TENM3: variants seen among roughly 807,000 people sequenced by gnomAD.
The protein encoded by TENM3 is teneurin transmembrane protein 3, also known as teneurin-3.
A neutral mutation model predicts 255.1 loss-of-function variants in TENM3; 63 were observed. The observed-to-expected ratio is 0.25, with a 90% confidence interval of 0.20 to 0.30. The LOEUF (loss-of-function observed/expected upper bound fraction) is 0.30. Among genes scored for constraint, TENM3 ranks in the 10% least tolerant of loss-of-function variants. The probability of loss-of-function intolerance (pLI) is 1.00; values close to 1 mark genes in which losing one functional copy is unlikely to be tolerated. For synonymous variants in TENM3, 1,306 were observed against 1,322.3 expected (o/e 0.99, Z 0.27); for missense variants, 2,929 against 3,461.1 (o/e 0.85, Z 3.86).
intron 1 of TENM3, among the ~76,000 whole-genome samples, chr4:182,227,779 A>G (rs1423881006): frequency 6.6e-6 from 1 of 151,930 alleles, no homozygotes; most frequent in Non-Finnish European, 1.5e-5. Context: ...ACACTTTAGA[A>G]TCTACTTTTT....
chr4:182,159,838 A>G (rs1374813818), intron 1 of TENM3, among the ~76,000 whole-genome samples: 1 of 152,174 alleles, frequency 6.6e-6, no homozygotes, highest in South Asian at 2.1e-4. Context: ...TCAGAGGGCA[A>G]TGTGTGTGAT....
At chr4:181,620,646 A>T in the TENM3 span, among the ~76,000 whole-genome samples, 160 of 150,492 alleles carry the variant, frequency 1.1e-3, 2 homozygotes, top group East Asian at 0.012. Flanking sequence ...AGGAGAAAAG[A>T]TTCTCACAGA....
At chr4:182,049,540 G>A in the TENM3 span, among the ~76,000 whole-genome samples, 682 of 152,356 alleles carry the variant, frequency 4.5e-3, 2 homozygotes, top group Non-Finnish European at 7.1e-3. Context: ...GCTTCAGCGG[G>A]GAAGTTCAGC....
At chr4:181,845,241 A>G in the TENM3 span, among the ~76,000 whole-genome samples, 1 of 152,284 alleles carries the variant, frequency 6.6e-6, no homozygotes, top group East Asian at 1.9e-4. Context: ...TAACAGGAGT[A>G]TTTGATTATG....
Position 182,502,702 on chromosome 4 carries a change from T to C in TENM3, c.512-98222T>C, listed in dbSNP as rs192513585. On this transcript the variant is annotated intron_variant, in intron 3 of 27. Coordinates refer to ENST00000511685, the MANE Select transcript of TENM3 (RefSeq NM_001080477.4). ...CTGAGAATGTTACCATTTTTGGTTC[T>C]TCAATTTAAGTTTTTCTGTTCCCTG... 1.9e-3 allele frequency among the ~76,000 whole-genome samples: 290 copies of C among 152,248 alleles called. 1 individual carries two copies. The highest frequency in any genetic ancestry group is 3.3e-3 in the Non-Finnish European group (227 of 68,016).
chr4:182,577,970 G>A (rs552892177), intron 3 of TENM3, among the ~76,000 whole-genome samples: 1 of 151,712 alleles, frequency 6.6e-6, no homozygotes, highest in Non-Finnish European at 1.5e-5. Context: ...CTATTCTGAT[G>A]ACCCAATTTA....
the TENM3 span, among the ~76,000 whole-genome samples, chr4:182,024,111 G>GA: frequency 0.039 from 5,921 of 151,960 alleles, 379 homozygotes; most frequent in African/African-American, 0.13. Context: ...AGATTTGGGG[G>GA]AAAAAACAAC....
the TENM3 span, among the ~76,000 whole-genome samples, chr4:181,610,417 G>T: frequency 7.2e-5 from 11 of 152,076 alleles, no homozygotes; most frequent in South Asian, 2.1e-4. Flanking sequence ...TACATTTTTT[G>T]CATGCGTGAC....
intron 3 of TENM3, 107 bp from the exon 4 acceptor site, chr4:182,600,817 A>T: frequency 1.2e-4 from 55 of 464,418 alleles, no homozygotes; most frequent in South Asian, 1.8e-4. Flanking sequence ...TGCAGTTTTT[A>T]ATTCTAATTC....
intron 1 of TENM3, among the ~76,000 whole-genome samples, chr4:182,175,925 C>T (rs1752458928): frequency 6.8e-6 from 1 of 146,576 alleles, no homozygotes; most frequent in African/African-American, 2.5e-5. Flanking sequence ...CCCCACCCTG[C>T]CGCCGCTGCA....
At chr4:182,170,086 C>G (rs571283582) in intron 1 of TENM3, among the ~76,000 whole-genome samples, 1 of 150,882 alleles carries the variant, frequency 6.6e-6, no homozygotes, top group South Asian at 2.1e-4. Flanking sequence ...TCATTGGTTC[C>G]TTGAACAGTA....
intron 4 of TENM3, among the ~76,000 whole-genome samples, chr4:182,619,285 G>T (rs1749866485): frequency 6.6e-6 from 1 of 151,928 alleles, no homozygotes; most frequent in South Asian, 2.1e-4. Flanking sequence ...AAAAAAATTA[G>T]CTGGGCATGG....
the TENM3 span, among the ~76,000 whole-genome samples, chr4:181,979,013 A>G: frequency 2.7e-5 from 4 of 147,108 alleles, 2 homozygotes. Flanking sequence ...TAAAAGGAGA[A>G]ATATTCCAAA....
At chr4:182,485,722 T>C (rs1325901327) in intron 3 of TENM3, among the ~76,000 whole-genome samples, 1 of 152,132 alleles carries the variant, frequency 6.6e-6, no homozygotes, top group Non-Finnish European at 1.5e-5. Flanking sequence ...TTCGGTAATA[T>C]TTTATTGAGC....
At chr4:181,831,582 A>T in the TENM3 span, among the ~76,000 whole-genome samples, 1 of 152,148 alleles carries the variant, frequency 6.6e-6, no homozygotes, top group African/African-American at 2.4e-5. Flanking sequence ...AATTAAAATA[A>T]GCTATCTAGT....
intron 4 of TENM3, among the ~76,000 whole-genome samples, chr4:182,622,579 G>A (rs745337143): frequency 4.6e-5 from 7 of 152,152 alleles, no homozygotes; most frequent in East Asian, 3.9e-4. Context: ...CCTATCTCCC[G>A]TGGAGAAACA....
At chr4:182,082,399 A>G in the TENM3 span, among the ~76,000 whole-genome samples, 1 of 152,208 alleles carries the variant, frequency 6.6e-6, no homozygotes, top group Admixed American at 6.5e-5. Flanking sequence ...ATTTCTACAT[A>G]TGAATTTTCA....
At chr4:181,904,214 A>G in the TENM3 span, among the ~76,000 whole-genome samples, 1 of 152,056 alleles carries the variant, frequency 6.6e-6, no homozygotes, top group African/African-American at 2.4e-5. Context: ...TTTGGATGCA[A>G]GCCACTATCA....
At chr4:181,628,344 C>A in the TENM3 span, among the ~76,000 whole-genome samples, 1 of 152,142 alleles carries the variant, frequency 6.6e-6, no homozygotes, top group Non-Finnish European at 1.5e-5. Flanking sequence ...TTAATTAGAT[C>A]CCATTTGTCA....
Sources: allele counts gnomAD v4.1 joint callset (sites outside exome capture counted in the v4.1 genomes callset), GRCh38; gene constraint gnomAD v4.1.1; transcripts MANE v1.5; gene names NCBI Gene and HGNC (gene_info 2026-07-23, HGNC 2026-07-21).